RPAP2: variants seen among roughly 807,000 people sequenced by gnomAD.
RPAP2 encodes the protein putative RNA polymerase II subunit B1 CTD phosphatase RPAP2.
RPAP2 carries 52 observed loss-of-function variants against 73.1 expected under a neutral mutation model. The ratio of observed to expected loss-of-function variants is 0.71; its 90% CI spans 0.57 to 0.90. The LOEUF (loss-of-function observed/expected upper bound fraction) is 0.90, where lower values mean the gene tolerates loss of function less well. Among genes scored for constraint, RPAP2 ranks in the 40% least tolerant of loss-of-function variants. The probability of loss-of-function intolerance (pLI) is 0.00; values close to 1 mark genes in which losing one functional copy is unlikely to be tolerated. For missense variants in RPAP2, 598 were observed against 701.8 expected, an observed-to-expected ratio of 0.85 and a Z score of 1.67; for synonymous variants, 225 against 242.1, an observed-to-expected ratio of 0.93 and a Z score of 0.65.
chr1:92,341,782 T>C (rs571162414), intron 10 of RPAP2, among the ~76,000 whole-genome samples: 31 of 152,152 alleles, frequency 2.0e-4, no homozygotes, highest in Non-Finnish European at 3.1e-4. Context: ...GTAGCTGGGA[T>C]TACAGGCATG....
intron 11 of RPAP2, among the ~76,000 whole-genome samples, chr1:92,356,585 A>ATTGTTT (rs763439308): frequency 1.9e-5 from 1 of 51,784 alleles, no homozygotes. Flanking sequence ...CTCCTGGCTA[A>ATTGTTT]TTTTTTTTTT....
intron 9 of RPAP2, among the ~76,000 whole-genome samples, chr1:92,334,930 G>A (rs1342499793): frequency 1.3e-5 from 2 of 152,186 alleles, no homozygotes; most frequent in Non-Finnish European, 2.9e-5. Flanking sequence ...GGAGCTTGCA[G>A]TGAGCCAAGA....
At chr1:92,336,772 GT>G (rs1193302472) in intron 10 of RPAP2, among the ~76,000 whole-genome samples, 1 of 152,074 alleles carries the variant, frequency 6.6e-6, no homozygotes, top group African/African-American at 2.4e-5. Flanking sequence ...GGCACTATGG[GT>G]AATGTAAAAG....
chr1:92,316,450 T>C (rs1344741152), intron 6 of RPAP2, among the ~76,000 whole-genome samples: 1 of 152,214 alleles, frequency 6.6e-6, no homozygotes, highest in Admixed American at 6.5e-5. Flanking sequence ...CCAAGTGATA[T>C]ATATGCACAT....
chr1:92,304,201 A>G (rs1008966351), intron 4 of RPAP2, 83 bp from the exon 5 acceptor site: 6 of 1,120,292 alleles, frequency 5.4e-6, no homozygotes, highest in Admixed American at 3.9e-5. Context: ...CAATGATATG[A>G]TATGTAGATG....
Position 92,359,625 on chromosome 1 carries a change from C to T in RPAP2, c.1688+13711C>T, listed in dbSNP as rs80309918. 2.5e-3 allele frequency among the ~76,000 whole-genome samples: 384 copies of T among 152,316 alleles called. 3 individuals are homozygous for T. Among genetic ancestry groups the T allele is most frequent in the South Asian group, 9.3e-3 (45 of 4,826 alleles). On this transcript the variant is annotated intron_variant, in intron 11 of 12. Transcript: ENST00000610020. ...ATGAGCCATCGTGCCTGGCAATGCA[C>T]TTGGTTTTATACCTGTTTTGCAAGT...
intron 11 of RPAP2, among the ~76,000 whole-genome samples, chr1:92,350,457 C>T (rs1224907914): frequency 6.6e-6 from 1 of 152,108 alleles, no homozygotes; most frequent in African/African-American, 2.4e-5. Context: ...TGTAATTTTG[C>T]ATCTTAGTTG....
In RPAP2 at chr1:92,373,751, A is replaced by T. The variant is rs796575630; in HGVS notation, c.1689-6973A>T. 6.0e-3 allele frequency among the ~76,000 whole-genome samples: 832 copies of T among 139,034 alleles called. 6 individuals carry two copies. Among genetic ancestry groups the T allele is most frequent in the African/African-American group, 0.018 (639 of 35,936 alleles). 91.2% of individuals were successfully genotyped at this position (139,034 alleles called of 152,430 possible). Reference sequence around the variant, plus strand: ...TCTCTACTAAAAATAAAAAAAAAAAAAAAAAAAAAAAAAAAAAAAGTAGCC... The same window carrying T: ...TCTCTACTAAAAATAAAAAAAAAAATAAAAAAAAAAAAAAAAAAAGTAGCC... On this transcript the variant is annotated intron_variant, in intron 11 of 12. Transcript: ENST00000610020.
intron 10 of RPAP2, among the ~76,000 whole-genome samples, chr1:92,343,811 A>G (rs1653729521): frequency 1.3e-5 from 2 of 152,172 alleles, no homozygotes; most frequent in Admixed American, 6.5e-5. Flanking sequence ...GGTCAGGAAT[A>G]TTGGGTTTGG....
chr1:92,384,571 C>T (rs1655785122), intron 12 of RPAP2, among the ~76,000 whole-genome samples: 1 of 151,184 alleles, frequency 6.6e-6, no homozygotes, highest in Non-Finnish European at 1.5e-5. Flanking sequence ...TCGCAGTGAG[C>T]CGAGATTGTG....
chr1:92,393,892 T>C lies in RPAP2; in HGVS notation c.*6881T>C, dbSNP rs1222285568. 6.6e-6 allele frequency: 1 copy of C among 152,178 alleles called. No individual in the cohort carries two copies. Among genetic ancestry groups the C allele is most frequent in the Non-Finnish European group, 1.5e-5 (1 of 68,022 alleles). 9.4% of individuals were successfully genotyped at this position (152,178 alleles called of 1,614,324 possible). A position where few individuals can be genotyped will look rare whatever the true frequency, so the allele number is the denominator to read the frequency against. ...CACTGTTGGTGGGAGTGCAAATTAG[T>C]CCGACCATTGTGGAAGTCAGTGTGA... On this transcript the variant is annotated 3_prime_UTR_variant, in exon 13 of 13. Coordinates refer to ENST00000610020, the MANE Select transcript of RPAP2 (RefSeq NM_024813.3).
chr1:92,316,266 C>T lies in RPAP2; in HGVS notation c.489-4333C>T, dbSNP rs1370261172. 3.9e-5 allele frequency among the ~76,000 whole-genome samples: 6 copies of T among 152,170 alleles called. No homozygotes were observed. In the East Asian group the frequency reaches 9.6e-4, roughly 24 times the overall value. ...AGTAAACAGTAGAATCTCAGAGGTG[C>T]GGAAGCCAAAAACCTCTGCAGAACA... is the stretch of plus-strand genomic sequence containing the variant. On this transcript the variant is annotated intron_variant, in intron 6 of 12. Coordinates refer to ENST00000610020, the MANE Select transcript of RPAP2 (RefSeq NM_024813.3).
At chr1:92,306,069 A>G (rs916583123) in intron 5 of RPAP2, among the ~76,000 whole-genome samples, 2 of 152,236 alleles carry the variant, frequency 1.3e-5, no homozygotes, top group African/African-American at 4.8e-5. Flanking sequence ...ATTCTGACAC[A>G]TGCTACAAGG....
rs528420287 is a variant in RPAP2 at position 92,333,397 on chromosome 1, T to A, written c.1462T>A (p.Ser488Thr). 4 of 1,612,358 alleles carry A rather than the reference T, an allele frequency of 2.5e-6. No individual in the cohort carries two copies. In the South Asian group the frequency reaches 4.4e-5, roughly 18 times the overall value. Reference sequence around the variant, plus strand: ...GTTTAAAAATGTGATTCAGCATGATTCCACCTTTCCACTGATAGACTCAAG... The same window carrying A: ...GTTTAAAAATGTGATTCAGCATGATACCACCTTTCCACTGATAGACTCAAG... ...TKSQDSEEHD[S>T]TFPLIDSSSQ... Residue 488 changes from serine (S) to threonine (T), a missense_variant, in exon 9 of 13, where the codon TCC becomes ACC. By Grantham distance (58) the Ser-to-Thr change is moderately conservative. This residue lies in a region of RPAP2 where 506 missense variants were observed against 612.8 expected (regional missense o/e 0.83). Coordinates refer to ENST00000610020, the MANE Select transcript of RPAP2 (RefSeq NM_024813.3).
chr1:92,338,177 G>A (rs1188273224), intron 10 of RPAP2, among the ~76,000 whole-genome samples: 1 of 152,020 alleles, frequency 6.6e-6, no homozygotes, highest in Non-Finnish European at 1.5e-5. Context: ...GTTTATATTT[G>A]AAAGTGAATG....
chr1:92,368,399 G>A (rs570933090), intron 11 of RPAP2, among the ~76,000 whole-genome samples: 24 of 152,008 alleles, frequency 1.6e-4, no homozygotes, highest in African/African-American at 5.3e-4. Context: ...AAAAATCCAA[G>A]TTCGTTACTG....
chr1:92,359,926 A>T (rs1654651121), intron 11 of RPAP2, among the ~76,000 whole-genome samples: 1 of 152,178 alleles, frequency 6.6e-6, no homozygotes, highest in South Asian at 2.1e-4. Flanking sequence ...GGAAACAGAC[A>T]CTTTGAGCAC....
In RPAP2 at chr1:92,401,196, A is replaced by G. The variant is rs563079908; in HGVS notation, c.*14185A>G. 6.6e-6 allele frequency: 1 copy of G among 152,228 alleles called. No individual in the cohort carries two copies. Among genetic ancestry groups the G allele is most frequent in the African/African-American group, 2.4e-5 (1 of 41,466 alleles). 9.4% of individuals were successfully genotyped at this position (152,228 alleles called of 1,614,324 possible). ...GATTTGGGTGAGGACACAGAGCCGG[A>G]CCATATCAGAGAGAAAGCTATTACT... On this transcript the variant is annotated 3_prime_UTR_variant, in exon 13 of 13. Transcript: ENST00000610020.
At chr1:92,356,414 C>T (rs1357266468) in intron 11 of RPAP2, among the ~76,000 whole-genome samples, 1 of 151,876 alleles carries the variant, frequency 6.6e-6, no homozygotes, top group Admixed American at 6.6e-5. Context: ...ATAACATTTT[C>T]CTTTTTTTGT....
Sources: allele counts gnomAD v4.1 joint callset (sites outside exome capture counted in the v4.1 genomes callset), GRCh38; gene constraint gnomAD v4.1.1; regional missense constraint gnomAD v4.1.1; transcripts MANE v1.5; gene names NCBI Gene and HGNC (gene_info 2026-07-23, HGNC 2026-07-21).